The following KCNQ1 variants were observed in gnomAD, a reference collection of about 807,000 sequenced individuals.
The protein encoded by KCNQ1 is potassium voltage-gated channel subfamily KQT member 1.
Under a neutral mutation model 72.4 loss-of-function variants are expected in KCNQ1, and 49 were observed. The ratio of observed to expected loss-of-function variants is 0.68; its 90% confidence interval spans 0.54 to 0.86. KCNQ1 has a LOEUF of 0.86. KCNQ1 is among the 40% of genes least tolerant of loss of function. KCNQ1 has a pLI of 0.00. For missense variants in KCNQ1, 790 were observed against 945.1 expected, an observed-to-expected ratio of 0.84 and a Z score of 2.15; for synonymous variants, 450 against 412.6, an observed-to-expected ratio of 1.09 and a Z score of -1.10.
intron 14 of KCNQ1, chr11:2,777,611 C>CAG (rs572606400): frequency 2.7e-5 from 14 of 516,696 alleles, no homozygotes; most frequent in Admixed American, 2.0e-4. Flanking sequence ...GCTGGTGTAA[C>CAG]GGAGCAGCGG....
At chr11:2,539,517 C>T (rs1405544763) in intron 2 of KCNQ1, among the ~76,000 whole-genome samples, 1 of 152,186 alleles carries the variant, frequency 6.6e-6, no homozygotes, top group African/African-American at 2.4e-5. Flanking sequence ...GACTCCACCG[C>T]GGCAGCCTGG....
Position 2,725,718 on chromosome 11 carries a change from C to G in KCNQ1, c.1515-43126C>G, listed in dbSNP as rs1339048720. On this transcript the variant is annotated intron_variant, in intron 11 of 15. Transcript: ENST00000155840. This position sits in a 1 kb window ranked among gnomAD's most constrained non-coding sequence, Gnocchi z 7.2. Reference sequence around the variant, plus strand: ...AGCCGAGGGCAGCCTGGGGAAGGTACGAGAGATCACTGGGCTTTGTGAAAC... The same window carrying G: ...AGCCGAGGGCAGCCTGGGGAAGGTAGGAGAGATCACTGGGCTTTGTGAAAC... Among the ~76,000 whole-genome samples, 2 of 152,140 alleles carry G rather than the reference C, an allele frequency of 1.3e-5. No homozygotes were observed. The highest frequency in any genetic ancestry group is 2.9e-5 in the Non-Finnish European group (2 of 68,030).
At position 2,462,559 on chromosome 11, in the gene KCNQ1, C is replaced by T. The variant is rs1198322800; in HGVS notation, c.386+17075C>T. 1.3e-5 allele frequency among the ~76,000 whole-genome samples: 2 copies of T among 152,184 alleles called. No homozygotes were observed. The highest frequency in any genetic ancestry group is 6.5e-5 in the Admixed American group (1 of 15,280). ...CCCCCCGTGAGGCCCCCACCTGTTA[C>T]TGAGTGGCAGGGACGTGCTCCCACA... is the stretch of plus-strand genomic sequence containing the variant. On this transcript the variant is annotated intron_variant, in intron 1 of 15. Transcript: ENST00000155840. This position sits in a 1 kb window ranked among gnomAD's most constrained non-coding sequence, Gnocchi z 8.2.
intron 10 of KCNQ1, chr11:2,616,970 T>C: frequency 2.5e-6 from 1 of 398,254 alleles, no homozygotes; most frequent in Non-Finnish European, 4.4e-6. Context: ...TGTGTTTTTT[T>C]TTTTTAATTT....
At chr11:2,757,542 G>C (rs189815091) in intron 11 of KCNQ1, among the ~76,000 whole-genome samples, 12 of 152,254 alleles carry the variant, frequency 7.9e-5, no homozygotes, top group Non-Finnish European at 1.3e-4. Flanking sequence ...AAGAATCCTA[G>C]CAAGATTTCT....
In KCNQ1 at chr11:2,623,909, C is replaced by T; in HGVS notation, c.1393+35055C>T. 1 of 398,526 alleles carries T rather than the reference C, an allele frequency of 2.5e-6. No individual in the cohort carries two copies. The highest frequency in any genetic ancestry group is 4.4e-6 in the Non-Finnish European group (1 of 226,054). The allele number at this position is 398,526 out of a possible 1,614,324, so 24.7% of individuals were successfully genotyped here. On this transcript the variant is annotated intron_variant, in intron 10 of 15. Transcript: ENST00000155840. This position sits in a 1 kb window ranked among gnomAD's most constrained non-coding sequence, Gnocchi z 5.2. The stretch of plus-strand genomic sequence containing the variant: ...ACATTCAGAAGTGGAATTGATGGAT[C>T]CTATGATAATTCCATTTTTAATTCT...
chr11:2,797,565 C>T (rs891206498), intron 15 of KCNQ1, among the ~76,000 whole-genome samples: 5 of 152,010 alleles, frequency 3.3e-5, no homozygotes, highest in South Asian at 4.2e-4. Flanking sequence ...CACCCTTGCT[C>T]CGGAGCTCGA....
rs974097710 is a variant in KCNQ1, at chr11:2,602,612, C to G, written c.1393+13758C>G. ...TGATGTTCACACTGTTTTTAATTTTCTCCATTCAGATAGGTGTGTAGTGAG... is the reference window on the plus strand; with the variant it reads ...TGATGTTCACACTGTTTTTAATTTTGTCCATTCAGATAGGTGTGTAGTGAG... On this transcript the variant is annotated intron_variant, in intron 10 of 15. Transcript: ENST00000155840. This position sits in a 1 kb window ranked among gnomAD's most constrained non-coding sequence, Gnocchi z 4.8. 6.6e-6 allele frequency among the ~76,000 whole-genome samples: 1 copy of G among 152,160 alleles called. No homozygotes were observed. The highest frequency in any genetic ancestry group is 1.5e-5 in the Non-Finnish European group (1 of 68,030).
rs1850314593 is a variant in KCNQ1, at chr11:2,677,499, C to T, written c.1514+15418C>T. The stretch of plus-strand genomic sequence containing the variant: ...ATGCCATACTTCTACAAAAAATGAT[C>T]CTCTCTGTGGAAGTGCTGCCAACAT... On this transcript the variant is annotated intron_variant, in intron 11 of 15. Transcript: ENST00000155840. The surrounding 1 kb of genome is among the most constrained non-coding windows in gnomAD (Gnocchi z 4.5). The T allele has an allele frequency of 2.5e-6, 1 of 398,438 alleles. No individual in the cohort carries two copies. Among genetic ancestry groups the T allele is most frequent in the African/African-American group, 2.1e-5 (1 of 48,684 alleles). The allele number at this position is 398,438 out of a possible 1,614,324, so 24.7% of individuals were successfully genotyped here. A position where few individuals can be genotyped will look rare whatever the true frequency, so the allele number is the denominator to read the frequency against.
Position 2,629,677 on chromosome 11 carries a change from T to A in KCNQ1, c.1394-32284T>A, listed in dbSNP as rs2133814486. On this transcript the variant is annotated intron_variant, in intron 10 of 15. Coordinates refer to ENST00000155840, the MANE Select transcript of KCNQ1 (RefSeq NM_000218.3). ...TTTATTTGGGAGCTCTCTATTCTTT[T>A]TGATGCTATTTTAAATGAAATTGTT... The A allele has an allele frequency of 1.0e-5, 4 of 398,544 alleles. No homozygotes were observed. The East Asian group carries it at 1.4e-4, about 14-fold the overall frequency. The allele number at this position is 398,544 out of a possible 1,614,324, so 24.7% of individuals were successfully genotyped here. A position where few individuals can be genotyped will look rare whatever the true frequency, so the allele number is the denominator to read the frequency against.
chr11:2,550,729 G>A lies in KCNQ1; in HGVS notation c.478-19899G>A, dbSNP rs1237649877. Among the ~76,000 whole-genome samples the A allele has an allele frequency of 6.6e-6, 1 of 152,164 alleles. No individual in the cohort carries two copies. The highest frequency in any genetic ancestry group is 1.5e-5 in the Non-Finnish European group (1 of 68,016). On this transcript the variant is annotated intron_variant, in intron 2 of 15. Transcript: ENST00000155840. The surrounding 1 kb of genome is among the most constrained non-coding windows in gnomAD (Gnocchi z 6.0). ...TTCTGGAAGGAGCCTCACAGGAAGGGCAGGGCAGCACCAGGCTCAGCCCAG... is the reference window on the plus strand; with the variant it reads ...TTCTGGAAGGAGCCTCACAGGAAGGACAGGGCAGCACCAGGCTCAGCCCAG...
rs556343017 is a variant in KCNQ1 at position 2,803,108 on chromosome 11, G to T, written c.1794+25071G>T. On this transcript the variant is annotated intron_variant, in intron 15 of 15. Coordinates refer to ENST00000155840, the MANE Select transcript of KCNQ1 (RefSeq NM_000218.3). This position sits in a 1 kb window ranked among gnomAD's most constrained non-coding sequence, Gnocchi z 6.4. ...AAGGCCACGGGAGTCAATGGTGAGG[G>T]GCAGAGTGAGCAAGGGGCTCAGGGT... Among the ~76,000 whole-genome samples, 53 of 152,248 alleles carry T rather than the reference G, an allele frequency of 3.5e-4. No individual in the cohort carries two copies. The highest frequency in any genetic ancestry group is 1.3e-3 in the African/African-American group (52 of 41,548).
chr11:2,679,716 T>C lies in KCNQ1; in HGVS notation c.1514+17635T>C, dbSNP rs2133878793. On this transcript the variant is annotated intron_variant, in intron 11 of 15. Coordinates refer to ENST00000155840, the MANE Select transcript of KCNQ1 (RefSeq NM_000218.3). This position sits in a 1 kb window ranked among gnomAD's most constrained non-coding sequence, Gnocchi z 4.8. ...TTTTTTAAATCAGCCGTTCTCTGTA[T>C]TCTTGTCCAGATGCTGTGGACAGTG... The C allele has an allele frequency of 2.5e-6, 1 of 398,596 alleles. No homozygotes were observed. Among genetic ancestry groups the C allele is most frequent in the South Asian group, 1.3e-4 (1 of 7,854 alleles). The allele number at this position is 398,596 out of a possible 1,614,324, so 24.7% of individuals were successfully genotyped here. A position where few individuals can be genotyped will look rare whatever the true frequency, so the allele number is the denominator to read the frequency against.
In KCNQ1 at chr11:2,746,467, G is replaced by A. The variant is rs747711592; in HGVS notation, c.1515-22377G>A. 2.6e-4 allele frequency among the ~76,000 whole-genome samples: 39 copies of A among 152,170 alleles called. No homozygotes were observed. Among genetic ancestry groups the A allele is most frequent in the Admixed American group, 6.5e-4 (10 of 15,298 alleles). On this transcript the variant is annotated intron_variant, in intron 11 of 15. Transcript: ENST00000155840. The surrounding 1 kb of genome is among the most constrained non-coding windows in gnomAD (Gnocchi z 5.9). Reference sequence around the variant, plus strand: ...GGGTCCCATGTGACATTCCTCATCCGTCTCCCTGGGCTCCTCTGGGCGGTG... The same window carrying A: ...GGGTCCCATGTGACATTCCTCATCCATCTCCCTGGGCTCCTCTGGGCGGTG...
In KCNQ1 at chr11:2,515,085, G is replaced by A. The variant is rs570864374; in HGVS notation, c.387-12843G>A. ...GTACACATACTTGTCTGTTACGTGC[G>A]TAATGGTGGGGTTTGGGCTTCTCGT... On this transcript the variant is annotated intron_variant, in intron 1 of 15. Transcript: ENST00000155840. The surrounding 1 kb of genome is among the most constrained non-coding windows in gnomAD (Gnocchi z 4.7). Among the ~76,000 whole-genome samples, 2 of 152,260 alleles carry A rather than the reference G, an allele frequency of 1.3e-5. No individual in the cohort carries two copies. The highest frequency in any genetic ancestry group is 1.3e-4 in the Admixed American group (2 of 15,296).
rs552960803 is a variant in KCNQ1, at chr11:2,847,401, G to A, written c.1795-366G>A. 4.6e-5 allele frequency among the ~76,000 whole-genome samples: 7 copies of A among 152,328 alleles called. No individual in the cohort carries two copies. In the South Asian group the frequency reaches 1.4e-3, roughly 32 times the overall value. On this transcript the variant is annotated intron_variant, in intron 15 of 15. Coordinates refer to ENST00000155840, the MANE Select transcript of KCNQ1 (RefSeq NM_000218.3). ...CCGCAAACCCAAATATTTCAGGTCCGGGTCCCTGGTGCAGACCCTGCCATG... is the reference window on the plus strand; with the variant it reads ...CCGCAAACCCAAATATTTCAGGTCCAGGTCCCTGGTGCAGACCCTGCCATG...
At chr11:2,686,043 A>G (rs978506585) in intron 11 of KCNQ1, 1 of 399,284 alleles carries the variant, frequency 2.5e-6, no homozygotes, top group African/African-American at 2.1e-5. Context: ...AGCTCGCACC[A>G]TCTGATGGGG....
At chr11:2,736,635 G>A (rs1169972627) in intron 11 of KCNQ1, among the ~76,000 whole-genome samples, 1 of 152,110 alleles carries the variant, frequency 6.6e-6, no homozygotes, top group African/African-American at 2.4e-5. Context: ...CAGTTACACA[G>A]CCTGCAAACC....
At chr11:2,680,643 G>A (rs1410024467) in intron 11 of KCNQ1, 4 of 398,376 alleles carry the variant, frequency 1.0e-5, no homozygotes, top group Non-Finnish European at 1.8e-5. Context: ...CCAGGATATT[G>A]CATTGATAGT....
Sources: gnomAD v4.1 joint callset for allele counts (sites outside exome capture counted in the v4.1 genomes callset) on GRCh38, gnomAD v4.1.1 for gene constraint, Gnocchi (gnomAD v3.1) non-coding constraint, MANE v1.5 for transcripts, NCBI Gene and HGNC (gene_info 2026-07-23, HGNC 2026-07-21) for gene names.